Variants in NRXN3 observed in about 807,000 individuals in gnomAD.
NRXN3 encodes neurexin 3, also known as neurexin III.
Under a neutral mutation model 137.6 loss-of-function variants are expected in NRXN3, and 32 were observed. That is an observed-to-expected ratio of 0.23 (90% confidence interval 0.18 to 0.31). The LOEUF (loss-of-function observed/expected upper bound fraction) is 0.31, where lower values mean the gene tolerates loss of function less well. NRXN3 is among the 10% of genes least tolerant of loss of function. NRXN3 has a pLI of 1.00. For missense variants in NRXN3, 1,574 were observed against 2,062.5 expected, an observed-to-expected ratio of 0.76 and a Z score of 4.59; for synonymous variants, 798 against 784.5, an observed-to-expected ratio of 1.02 and a Z score of -0.29.
chr14:78,217,222 C>T (rs2063381292), intron 1 of NRXN3, among the ~76,000 whole-genome samples: 1 of 152,082 alleles, frequency 6.6e-6, no homozygotes, highest in Non-Finnish European at 1.5e-5. Flanking sequence ...AAATAGCAAA[C>T]CCTCGTATTT....
chr14:79,543,491 C>T (rs2097292459), intron 16 of NRXN3, among the ~76,000 whole-genome samples: 1 of 152,124 alleles, frequency 6.6e-6, no homozygotes, highest in Admixed American at 6.6e-5. Context: ...CCTGTGGTTT[C>T]CCTTGTGGAA....
chr14:79,517,119 G>A (rs951493699), intron 16 of NRXN3, among the ~76,000 whole-genome samples: 2 of 145,292 alleles, frequency 1.4e-5, no homozygotes, highest in African/African-American at 5.1e-5. Flanking sequence ...GAATGGGAGC[G>A]CTTCCCCACA....
At chr14:79,750,072 G>T (rs2098992447) in intron 19 of NRXN3, among the ~76,000 whole-genome samples, 1 of 152,120 alleles carries the variant, frequency 6.6e-6, no homozygotes, top group Non-Finnish European at 1.5e-5. Context: ...TTAATAGACT[G>T]AAGAAGTCCT....
intron 15 of NRXN3, among the ~76,000 whole-genome samples, chr14:79,425,890 G>C (rs955628948): frequency 5.9e-5 from 9 of 152,058 alleles, no homozygotes; most frequent in African/African-American, 2.2e-4. Flanking sequence ...TCATTTCCAG[G>C]CTACTTGTTT....
chr14:78,347,693 C>A (rs2082938626), intron 4 of NRXN3, among the ~76,000 whole-genome samples: 1 of 152,258 alleles, frequency 6.6e-6, no homozygotes, highest in East Asian at 1.9e-4. Context: ...AACTAGAGCC[C>A]CTTGAGGCCT....
Position 78,982,035 on chromosome 14 carries a change from C to T in NRXN3, c.3143-5987C>T, listed in dbSNP as rs140141718. On this transcript the variant is annotated intron_variant, in intron 14 of 20. Transcript: ENST00000335750. ...TTGGGCTTGGGAATACCAAAGAGTTCTTGTCAGCATCTGGTGAGTCTGAAA... is the reference window on the plus strand; with the variant it reads ...TTGGGCTTGGGAATACCAAAGAGTTTTTGTCAGCATCTGGTGAGTCTGAAA... 2.5e-3 allele frequency among the ~76,000 whole-genome samples: 383 copies of T among 152,208 alleles called. 1 individual carries two copies. Among genetic ancestry groups the T allele is most frequent in the African/African-American group, 8.8e-3 (365 of 41,520 alleles).
At chr14:78,564,276 C>G (rs748767643) in intron 4 of NRXN3, among the ~76,000 whole-genome samples, 3 of 152,182 alleles carry the variant, frequency 2.0e-5, no homozygotes, top group Non-Finnish European at 4.4e-5. Context: ...TGTCCCCCTC[C>G]TCCTATTCCC....
At chr14:79,855,963 G>T (rs970697691) in intron 20 of NRXN3, among the ~76,000 whole-genome samples, 1 of 152,146 alleles carries the variant, frequency 6.6e-6, no homozygotes, top group Admixed American at 6.5e-5. Context: ...TACTTCAGAA[G>T]CAAAGCTCTT....
chr14:78,371,092 C>T (rs1276141295), intron 4 of NRXN3, among the ~76,000 whole-genome samples: 3 of 152,154 alleles, frequency 2.0e-5, no homozygotes, highest in African/African-American at 7.2e-5. Context: ...GCCAAGGCCC[C>T]ACTCTCAAAC....
intron 15 of NRXN3, among the ~76,000 whole-genome samples, chr14:79,377,114 G>T (rs1218178778): frequency 6.6e-6 from 1 of 152,190 alleles, no homozygotes; most frequent in Non-Finnish European, 1.5e-5. Flanking sequence ...GTTTAACACA[G>T]GATTCCTGGC....
rs866186073 is a variant in NRXN3 at position 79,478,226 on chromosome 14, T to C, written c.3444+10824T>C. Among the ~76,000 whole-genome samples the C allele has an allele frequency of 6.7e-5, 10 of 148,882 alleles. No homozygotes were observed. In the South Asian group the frequency reaches 1.7e-3, roughly 25 times the overall value. On this transcript the variant is annotated intron_variant, in intron 16 of 20. Coordinates refer to ENST00000335750, the MANE Select transcript of NRXN3 (RefSeq NM_001330195.2). ...AAATATATATAATGTATATTAAATA[T>C]ATACATATACAAGATAAAGGAGGAA...
intron 15 of NRXN3, among the ~76,000 whole-genome samples, chr14:79,051,052 T>G (rs964170286): frequency 6.6e-6 from 1 of 152,214 alleles, no homozygotes; most frequent in African/African-American, 2.4e-5. Flanking sequence ...ATTTTATTGC[T>G]GTGGATGCTG....
At chr14:79,353,108 G>A (rs1351235129) in intron 15 of NRXN3, among the ~76,000 whole-genome samples, 2 of 151,882 alleles carry the variant, frequency 1.3e-5, no homozygotes, top group Non-Finnish European at 2.9e-5. Context: ...TCTATGTTAT[G>A]CAATATTTGG....
At chr14:78,833,827 CT>C (rs148744291) in intron 10 of NRXN3, among the ~76,000 whole-genome samples, 6,795 of 152,180 alleles carry the variant, frequency 0.045, 376 homozygotes, top group African/African-American at 0.13. Flanking sequence ...TATTATTCCC[CT>C]TTGAAGTGAG....
intron 15 of NRXN3, among the ~76,000 whole-genome samples, chr14:79,172,176 A>G (rs2061845310): frequency 7.4e-6 from 1 of 135,228 alleles, no homozygotes; most frequent in Admixed American, 8.1e-5. Flanking sequence ...CTATAAAGAA[A>G]CAATAACTTG....
chr14:79,163,851 A>G (rs1005776563), intron 15 of NRXN3, among the ~76,000 whole-genome samples: 1 of 151,906 alleles, frequency 6.6e-6, no homozygotes, highest in African/African-American at 2.4e-5. Flanking sequence ...TATTTATAGT[A>G]CTTTTTTCTA....
intron 15 of NRXN3, among the ~76,000 whole-genome samples, chr14:79,334,521 G>A (rs950943440): frequency 9.2e-5 from 14 of 152,200 alleles, no homozygotes; most frequent in African/African-American, 3.4e-4. Flanking sequence ...GGGCAGGACA[G>A]GGGGTAAAGT....
chr14:79,302,220 A>G (rs189789697), intron 15 of NRXN3, among the ~76,000 whole-genome samples: 1 of 152,152 alleles, frequency 6.6e-6, no homozygotes, highest in Admixed American at 6.6e-5. Flanking sequence ...CCATACAAGA[A>G]TTATTACAAG....
chr14:79,304,346 A>G (rs1413981147), intron 15 of NRXN3, among the ~76,000 whole-genome samples: 3 of 152,012 alleles, frequency 2.0e-5, no homozygotes, highest in African/African-American at 7.2e-5. Context: ...GTGTAAGAAA[A>G]TCTCTACATT....
Sources: gnomAD v4.1 joint callset for allele counts (sites outside exome capture counted in the v4.1 genomes callset) on GRCh38, gnomAD v4.1.1 for gene constraint, MANE v1.5 for transcripts, NCBI Gene and HGNC (gene_info 2026-07-23, HGNC 2026-07-21) for gene names.